The following FAM135B variants were observed in gnomAD, a reference collection of about 807,000 sequenced individuals.
FAM135B encodes family with sequence similarity 135 member B, also known as protein FAM135B.
FAM135B carries 43 observed loss-of-function variants against 127.7 expected under a neutral mutation model. The observed-to-expected ratio is 0.34, with a 90% confidence interval of 0.26 to 0.43. The LOEUF is 0.43. FAM135B is among the 20% of genes least tolerant of loss of function. The pLI is 1.00. For synonymous variants in FAM135B, 670 were observed against 665.1 expected (o/e 1.01, Z -0.11); for missense variants, 1,558 against 1,725.6 (o/e 0.90, Z 1.72).
chr8:138,359,395 C>T (rs1830278109), intron 2 of FAM135B, among the ~76,000 whole-genome samples: 2 of 152,120 alleles, frequency 1.3e-5, no homozygotes, highest in South Asian at 4.1e-4. Context: ...AAATCCACTG[C>T]TTCTGTGGTG....
intron 2 of FAM135B, among the ~76,000 whole-genome samples, chr8:138,364,465 T>C (rs1413179443): frequency 2.0e-5 from 3 of 152,154 alleles, no homozygotes; most frequent in Non-Finnish European, 4.4e-5. Context: ...GACCTGTCCA[T>C]AGAAGTAACT....
intron 7 of FAM135B, among the ~76,000 whole-genome samples, chr8:138,231,868 G>T (rs1819931277): frequency 6.6e-6 from 1 of 152,136 alleles, no homozygotes; most frequent in Non-Finnish European, 1.5e-5. Flanking sequence ...AAGATCCATG[G>T]GTTTGTAATG....
At chr8:138,202,791 A>AT (rs980699417) in intron 7 of FAM135B, among the ~76,000 whole-genome samples, 99 of 64,228 alleles carry the variant, frequency 1.5e-3, no homozygotes, top group Admixed American at 3.7e-3. Context: ...GCCTCGGTGA[A>AT]CGTGTCTATG....
At chr8:138,324,154 G>A (rs1827642245) in intron 2 of FAM135B, among the ~76,000 whole-genome samples, 1 of 152,180 alleles carries the variant, frequency 6.6e-6, no homozygotes, top group African/African-American at 2.4e-5. Flanking sequence ...AATCCTTTGT[G>A]TCTAGCACTA....
intron 7 of FAM135B, among the ~76,000 whole-genome samples, chr8:138,233,173 A>G (rs1820027195): frequency 6.6e-6 from 1 of 152,202 alleles, no homozygotes; most frequent in Admixed American, 6.5e-5. Context: ...CCTGATTTCA[A>G]AATATATTGC....
chr8:138,371,321 C>T (rs1380435590), intron 1 of FAM135B, among the ~76,000 whole-genome samples: 5 of 152,138 alleles, frequency 3.3e-5, no homozygotes, highest in African/African-American at 1.2e-4. Flanking sequence ...AGACCCATGA[C>T]ACATACCTAA....
intron 1 of FAM135B, among the ~76,000 whole-genome samples, chr8:138,426,073 A>ACG (rs10627245): frequency 1.2e-5 from 1 of 86,162 alleles, no homozygotes; most frequent in Admixed American, 1.5e-4. Flanking sequence ...ACACACACAC[A>ACG]TATATAAAAT....
In FAM135B at chr8:138,272,709, C is replaced by T. The variant is rs569877902; in HGVS notation, c.158-6867G>A. ...TCAAAAGTAAAAGGCCAGTGTGTTG[C>T]CTCTAGTACACTTTAGTTGCTCAAC... On this transcript the variant is annotated intron_variant, in intron 3 of 19. Coordinates refer to ENST00000395297, the MANE Select transcript of FAM135B (RefSeq NM_015912.4). Among the ~76,000 whole-genome samples, 6 of 152,304 alleles carry T rather than the reference C, an allele frequency of 3.9e-5. No homozygotes were observed. The South Asian group carries it at 6.2e-4, about 16-fold the overall frequency.
At chr8:138,377,128 C>G (rs1333698611) in intron 1 of FAM135B, among the ~76,000 whole-genome samples, 1 of 152,100 alleles carries the variant, frequency 6.6e-6, no homozygotes, top group Non-Finnish European at 1.5e-5. Flanking sequence ...TTTTGAAATG[C>G]AATTTTTCTT....
At chr8:138,234,266 A>G (rs1820110062) in intron 7 of FAM135B, among the ~76,000 whole-genome samples, 2 of 152,256 alleles carry the variant, frequency 1.3e-5, no homozygotes, top group African/African-American at 4.8e-5. Context: ...CAACATTGAT[A>G]GAAATGTAGA....
rs979418658 is a variant in FAM135B at position 138,477,183 on chromosome 8, G to T, written c.-20+19488C>A. Reference sequence around the variant, plus strand: ...TGGCAGATGTCAAGTGTCACCAATGGTTGTCCTATGTGTCTAGTTGAGACT... The same window carrying T: ...TGGCAGATGTCAAGTGTCACCAATGTTTGTCCTATGTGTCTAGTTGAGACT... On this transcript the variant is annotated intron_variant, in intron 1 of 19. Transcript: ENST00000395297. The T allele has an allele frequency of 2.0e-5, 3 of 152,148 alleles. No homozygotes were observed. The East Asian group carries it at 5.8e-4, about 29-fold the overall frequency. 9.4% of individuals were successfully genotyped at this position (152,148 alleles called of 1,614,324 possible). A position where few individuals can be genotyped will look rare whatever the true frequency, so the allele number is the denominator to read the frequency against.
rs1820977493 is a variant in FAM135B, at chr8:138,243,175, A to G, written c.543-107T>C. 2 of 1,329,004 alleles carry G rather than the reference A, an allele frequency of 1.5e-6. No individual in the cohort carries two copies. Among genetic ancestry groups the G allele is most frequent in the African/African-American group, 1.5e-5 (1 of 68,154 alleles). The allele number at this position is 1,329,004 out of a possible 1,614,324, so 82.3% of individuals were successfully genotyped here. ...TCCTGTGAAGCATTTGGGATAAGTC[A>G]TTTAGGAGTAGTTCACCCCCTAGGG... On this transcript the variant is annotated intron_variant, in intron 6 of 19. Coordinates refer to ENST00000395297, the MANE Select transcript of FAM135B (RefSeq NM_015912.4). This position sits in a 1 kb window ranked among gnomAD's most constrained non-coding sequence, Gnocchi z 7.5.
At chr8:138,327,533 A>T (rs538013049) in intron 2 of FAM135B, among the ~76,000 whole-genome samples, 1 of 152,332 alleles carries the variant, frequency 6.6e-6, no homozygotes, top group East Asian at 1.9e-4. Flanking sequence ...AAGAGTGCAA[A>T]CATTCACAAG....
rs146967045 is a variant in FAM135B, at chr8:138,193,343, T to C, written c.873+1915A>G. On this transcript the variant is annotated intron_variant, in intron 9 of 19. Coordinates refer to ENST00000395297, the MANE Select transcript of FAM135B (RefSeq NM_015912.4). ...ATTAAATATAAGTCGGTGATGCTGG[T>C]GCTATGGTGATCCCGGACTAGGGAA... 9.2e-5 allele frequency among the ~76,000 whole-genome samples: 14 copies of C among 152,278 alleles called. No individual in the cohort carries two copies. The East Asian group carries it at 2.7e-3, about 29-fold the overall frequency.
At chr8:138,269,697 C>T (rs1823224381) in intron 3 of FAM135B, among the ~76,000 whole-genome samples, 1 of 152,220 alleles carries the variant, frequency 6.6e-6, no homozygotes, top group Non-Finnish European at 1.5e-5. Context: ...CACTTTCCAG[C>T]TGTGTGGCCT....
chr8:138,342,288 T>C (rs1385596065), intron 2 of FAM135B, among the ~76,000 whole-genome samples: 1 of 151,758 alleles, frequency 6.6e-6, no homozygotes, highest in Non-Finnish European at 1.5e-5. Context: ...ATAGAGAAAA[T>C]GAACCAGAGA....
At chr8:138,319,148 C>T (rs943720591) in intron 2 of FAM135B, among the ~76,000 whole-genome samples, 2 of 152,042 alleles carry the variant, frequency 1.3e-5, no homozygotes, top group Non-Finnish European at 2.9e-5. Context: ...GCTCTGTCAC[C>T]CAGGCTGGAG....
intron 1 of FAM135B, among the ~76,000 whole-genome samples, chr8:138,375,399 G>GTA (rs1014552167): frequency 1.8e-4 from 28 of 152,258 alleles, no homozygotes; most frequent in African/African-American, 6.5e-4. Flanking sequence ...GTGTGTGTGT[G>GTA]TATATGTGTG....
chr8:138,380,472 G>T (rs900544135), intron 1 of FAM135B, among the ~76,000 whole-genome samples: 31 of 152,076 alleles, frequency 2.0e-4, no homozygotes, highest in African/African-American at 7.2e-4. Flanking sequence ...GGAATTACAG[G>T]TATGAGCCAC....
Sources: allele counts gnomAD v4.1 joint callset (sites outside exome capture counted in the v4.1 genomes callset), GRCh38; gene constraint gnomAD v4.1.1; non-coding constraint Gnocchi (gnomAD v3.1); transcripts MANE v1.5; gene names NCBI Gene and HGNC (gene_info 2026-07-23, HGNC 2026-07-21).